The following VWA5B2 variants were observed in gnomAD, a reference collection of about 807,000 sequenced individuals.
VWA5B2 encodes the protein von Willebrand factor A domain-containing protein 5B2.
VWA5B2 carries 93 observed loss-of-function variants against 118.5 expected under a neutral mutation model. The observed-to-expected ratio is 0.79, with a 90% CI of 0.66 to 0.93. The LOEUF is 0.93. Ranked by LOEUF, VWA5B2 falls within the 40% of genes least tolerant of loss-of-function variation. VWA5B2 has a pLI of 0.00. For synonymous variants in VWA5B2, 708 were observed against 716.3 expected, an observed-to-expected ratio of 0.99 and a Z score of 0.19; for missense variants, 1,546 against 1,672.8, an observed-to-expected ratio of 0.92 and a Z score of 1.32.
At chr3:184,240,077 G>A in intron 16 of VWA5B2, 41 bp downstream of exon 16, 1 of 1,428,028 alleles carries the variant, frequency 7.0e-7, no homozygotes, top group East Asian at 2.5e-5. Context: ...AAAGGCATGG[G>A]CTAAAAACAG....
At chr3:184,234,977 G>C in intron 7 of VWA5B2, 176 bp from the exon 8 acceptor site, 1 of 1,061,880 alleles carries the variant, frequency 9.4e-7, no homozygotes, top group Non-Finnish European at 1.3e-6. Flanking sequence ...GGCTAGGTCT[G>C]ATATAAACAG....
In VWA5B2 at chr3:184,239,297, G is replaced by T; in HGVS notation, c.2203-97G>T. On this transcript the variant is annotated intron_variant, in intron 14 of 19. Coordinates refer to ENST00000691901, the MANE Select transcript of VWA5B2 (RefSeq NM_001390846.1). The surrounding 1 kb of genome is among the most constrained non-coding windows in gnomAD (Gnocchi z 5.1). ...CCTCAAGCTGGTGAGCGGCCACCCA[G>T]GGTTTCAGAAAAGGGGCATGGGCCA... is the stretch of plus-strand genomic sequence containing the variant. 7.4e-7 allele frequency: 1 copy of T among 1,342,598 alleles called. No individual in the cohort carries two copies. Among genetic ancestry groups the T allele is most frequent in the South Asian group, 1.7e-5 (1 of 58,258 alleles). The allele number at this position is 1,342,598 out of a possible 1,614,324, so 83.2% of individuals were successfully genotyped here.
chr3:184,238,422 C>T lies in VWA5B2; in HGVS notation c.1839C>T (p.Gly613=). 3 of 1,550,818 alleles carry T rather than the reference C, an allele frequency of 1.9e-6. No homozygotes were observed. The highest frequency in any genetic ancestry group is 2.6e-6 in the Non-Finnish European group (3 of 1,146,768). ...PTGTSEPLGT[G]TVSAELSSPW... ...GCACCTCAGAGCCACTGGGAACAGGCACTGTCTCAGCAGAACTGTCCAGCC... is the reference window on the plus strand; with the variant it reads ...GCACCTCAGAGCCACTGGGAACAGGTACTGTCTCAGCAGAACTGTCCAGCC... The change falls in exon 13 of 20, where the codon GGC becomes GGT. Residue 613 remains glycine, a synonymous_variant. Transcript: ENST00000691901. The surrounding 1 kb of genome is among the most constrained non-coding windows in gnomAD (Gnocchi z 5.0).
Position 184,240,037 on chromosome 3 carries a change from G to A in VWA5B2, c.2740+1G>A, listed in dbSNP as rs932807025. 1 of 1,531,292 alleles carries A rather than the reference G, an allele frequency of 6.5e-7. No homozygotes were observed. Among genetic ancestry groups the A allele is most frequent in the Non-Finnish European group, 8.8e-7 (1 of 1,137,372 alleles). The allele number at this position is 1,531,292 out of a possible 1,614,324, so 94.9% of individuals were successfully genotyped here. On this transcript the variant is annotated splice_donor_variant, in intron 16 of 19. Coordinates refer to ENST00000691901, the MANE Select transcript of VWA5B2 (RefSeq NM_001390846.1). LOFTEE classifies it high-confidence loss of function. ...GGGGCAGAGACCACAGCTGACCGGGGTGAGTTGCTCATGGGTCCAGTCAGG... is the reference window on the plus strand; with the variant it reads ...GGGGCAGAGACCACAGCTGACCGGGATGAGTTGCTCATGGGTCCAGTCAGG...
chr3:184,230,886 G>A lies in VWA5B2; in HGVS notation c.279G>A (p.Leu93=), dbSNP rs1241689603. 1 of 1,225,010 alleles carries A rather than the reference G, an allele frequency of 8.2e-7. No individual in the cohort carries two copies. Among genetic ancestry groups the A allele is most frequent in the Non-Finnish European group, 1.0e-6 (1 of 983,942 alleles). The allele number at this position is 1,225,010 out of a possible 1,614,324, so 75.9% of individuals were successfully genotyped here. A position where few individuals can be genotyped will look rare whatever the true frequency, so the allele number is the denominator to read the frequency against. ...GCTGCCGCGCTCTGGGCCCGGGGCTGGGGACCCCGACGCCCCGCCGCTGCG... is the reference window on the plus strand; with the variant it reads ...GCTGCCGCGCTCTGGGCCCGGGGCTAGGGACCCCGACGCCCCGCCGCTGCG... ...AACCRALGPG[L]GTPTPRRCAQ... The change falls in exon 3 of 20, where the codon CTG becomes CTA. Residue 93 remains leucine, a synonymous_variant. Transcript: ENST00000691901.
Position 184,238,517 on chromosome 3 carries a change from G to A in VWA5B2, c.1891+43G>A, listed in dbSNP as rs1204418193. ...TGTGTGTGGCTGTATTGGAGTGGGCGCTGGGAGGGGTCAGGGCTAGGGCCC... is the reference window on the plus strand; with the variant it reads ...TGTGTGTGGCTGTATTGGAGTGGGCACTGGGAGGGGTCAGGGCTAGGGCCC... On this transcript the variant is annotated intron_variant, in intron 13 of 19. Coordinates refer to ENST00000691901, the MANE Select transcript of VWA5B2 (RefSeq NM_001390846.1). The surrounding 1 kb of genome is among the most constrained non-coding windows in gnomAD (Gnocchi z 5.0). 4.6e-6 allele frequency: 7 copies of A among 1,534,688 alleles called. No homozygotes were observed. The highest frequency in any genetic ancestry group is 2.0e-5 in the Admixed American group (1 of 50,522).
chr3:184,236,783 T>A, intron 11 of VWA5B2, 34 bp downstream of exon 11: 6 of 1,457,132 alleles, frequency 4.1e-6, no homozygotes, highest in Non-Finnish European at 5.5e-6. Flanking sequence ...TCCCTACACC[T>A]GGAAGTTTTT....
In VWA5B2 at chr3:184,236,137, C is replaced by G. The variant is rs1717957985; in HGVS notation, c.1102-15C>G. The G allele has an allele frequency of 6.5e-7, 1 of 1,550,180 alleles. No homozygotes were observed. The highest frequency in any genetic ancestry group is 2.4e-5 in the East Asian group (1 of 40,924). Reference sequence around the variant, plus strand: ...ATGGGGCCGGCCTCACGCCGCCCTCCCTGGCCCTCCACAGGATGCCATTGT... The same window carrying G: ...ATGGGGCCGGCCTCACGCCGCCCTCGCTGGCCCTCCACAGGATGCCATTGT... On this transcript the variant is annotated splice_polypyrimidine_tract_variant and intron_variant, in intron 8 of 19. Coordinates refer to ENST00000691901, the MANE Select transcript of VWA5B2 (RefSeq NM_001390846.1).
Position 184,239,010 on chromosome 3 carries a change from G to A in VWA5B2, c.2202+137G>A. The A allele has an allele frequency of 1.0e-6, 1 of 961,946 alleles. No homozygotes were observed. The highest frequency in any genetic ancestry group is 2.0e-5 in the South Asian group (1 of 50,674). The allele number at this position is 961,946 out of a possible 1,614,324, so 59.6% of individuals were successfully genotyped here. ...GTGGGTAAATCCCCAACGATACCAT[G>A]TAACAACCAGTGATGAGCACAAGGA... On this transcript the variant is annotated intron_variant, in intron 14 of 19. Transcript: ENST00000691901. The surrounding 1 kb of genome is among the most constrained non-coding windows in gnomAD (Gnocchi z 5.1).
At chr3:184,234,031 G>C (rs751987813) in intron 5 of VWA5B2, among the ~76,000 whole-genome samples, 5 of 152,154 alleles carry the variant, frequency 3.3e-5, no homozygotes, top group African/African-American at 9.7e-5. Flanking sequence ...CACAGAAGGT[G>C]GGGGGTGAAT....
intron 8 of VWA5B2, among the ~76,000 whole-genome samples, 157 bp from the exon 9 acceptor site, chr3:184,235,995 C>T (rs1379108999): frequency 6.6e-6 from 1 of 152,266 alleles, no homozygotes; most frequent in Admixed American, 6.5e-5. Flanking sequence ...CACTTGGGGG[C>T]TCACTGGCAC....
Position 184,241,374 on chromosome 3 carries a change from T to C in VWA5B2, c.3150T>C (p.Ser1050=), listed in dbSNP as rs1257942836. ...CSPDPGQANN[S]EGSDHDYLPL... is the part of the protein sequence containing the mutation. The stretch of plus-strand genomic sequence containing the variant: ...CTGACCCGGGCCAGGCCAACAACAG[T>C]GAAGGCAGCGACCATGACTACCTGC... Residue 1050 remains serine, a synonymous_variant, in exon 19 of 20, where the codon AGT becomes AGC. Coordinates refer to ENST00000691901, the MANE Select transcript of VWA5B2 (RefSeq NM_001390846.1). The surrounding 1 kb of genome is among the most constrained non-coding windows in gnomAD (Gnocchi z 5.1). 4 of 1,568,238 alleles carry C rather than the reference T, an allele frequency of 2.6e-6. No homozygotes were observed. Among genetic ancestry groups the C allele is most frequent in the Non-Finnish European group, 3.5e-6 (4 of 1,156,396 alleles).
At position 184,239,697 on chromosome 3, in the gene VWA5B2, C is replaced by T; in HGVS notation, c.2401C>T (p.Leu801Phe). 6.8e-7 allele frequency: 1 copy of T among 1,467,974 alleles called. No homozygotes were observed. 90.9% of individuals were successfully genotyped at this position (1,467,974 alleles called of 1,614,324 possible). A position where few individuals can be genotyped will look rare whatever the true frequency, so the allele number is the denominator to read the frequency against. The change falls in exon 16 of 20, where the codon CTC (leucine) becomes TTC (phenylalanine). Residue 801 changes from leucine to phenylalanine, a missense_variant. Around this residue, in one of 3 missense-constraint regions of VWA5B2, gnomAD observed 763 missense variants for 766.6 expected, o/e 1.00. Transcript: ENST00000691901. This position sits in a 1 kb window ranked among gnomAD's most constrained non-coding sequence, Gnocchi z 5.1. Reference sequence around the variant, plus strand: ...CTGTCTTGCCTCCCCAGGAAACCTGCTCTCCCCAGCCCCTATGGACTGGGA... The same window carrying T: ...CTGTCTTGCCTCCCCAGGAAACCTGTTCTCCCCAGCCCCTATGGACTGGGA... ...GQGLDDSGNL[L>F]SPAPMDWDML...
chr3:184,237,767 C>T lies in VWA5B2; in HGVS notation c.1719+356C>T, dbSNP rs957336040. On this transcript the variant is annotated intron_variant, in intron 12 of 19. Transcript: ENST00000691901. The surrounding 1 kb of genome is among the most constrained non-coding windows in gnomAD (Gnocchi z 5.6). Reference sequence around the variant, plus strand: ...GTTCCCTATAGAAAGCACCAGCCAGCGTATTTTCTGGGACACGCAGTGATG... The same window carrying T: ...GTTCCCTATAGAAAGCACCAGCCAGTGTATTTTCTGGGACACGCAGTGATG... Among the ~76,000 whole-genome samples, 6 of 152,200 alleles carry T rather than the reference C, an allele frequency of 3.9e-5. No homozygotes were observed. The highest frequency in any genetic ancestry group is 9.7e-5 in the African/African-American group (4 of 41,444).
intron 3 of VWA5B2, among the ~76,000 whole-genome samples, chr3:184,232,175 A>G (rs1262641585): frequency 6.6e-6 from 1 of 151,668 alleles, no homozygotes; most frequent in Non-Finnish European, 1.5e-5. Flanking sequence ...GTTATGGGGG[A>G]TGAAAGTCAT....
rs1709657 is a variant in VWA5B2, at chr3:184,236,184, G to A, written c.1134G>A (p.Pro378=). ...DAIVLAVKSL[P]PQTLINLAVF... is the part of the protein sequence containing the mutation. ...TTGTTTTGGCTGTGAAGTCCCTCCC[G>A]CCCCAGACGCTTATCAACCTGGCCG... The change falls in exon 9 of 20, where the codon CCG becomes CCA. Residue 378 remains proline (P), a synonymous_variant. Transcript: ENST00000691901. The A allele has an allele frequency of 0.22, 338,576 of 1,551,440 alleles. 37,817 individuals are homozygous for A. Among genetic ancestry groups the A allele is most frequent in the Non-Finnish European group, 0.23 (262,092 of 1,146,852 alleles).
Position 184,238,485 on chromosome 3 carries a change from A to T in VWA5B2, c.1891+11A>T. 1 of 1,541,664 alleles carries T rather than the reference A, an allele frequency of 6.5e-7. No individual in the cohort carries two copies. Among genetic ancestry groups the T allele is most frequent in the Non-Finnish European group, 8.8e-7 (1 of 1,139,606 alleles). On this transcript the variant is annotated intron_variant, in intron 13 of 19. Transcript: ENST00000691901. This position sits in a 1 kb window ranked among gnomAD's most constrained non-coding sequence, Gnocchi z 5.0. ...GGGACTCGGAGCAGAGTGAGTGCCC[A>T]GGTGTATGTGTGTGGCTGTATTGGA...
rs374680163 is a variant in VWA5B2, at chr3:184,234,709, G to A, written c.899G>A (p.Arg300Gln). ...TATGAGGCCCGGGTGAGGGCCCGCC[G>A]AGATTTTCAGAGGCTACAGCGAAGG... ...AEYEARVRAR[R>Q]DFQRLQRRDS... Residue 300 changes from arginine to glutamine, a missense_variant, in exon 7 of 20, where the codon CGA (arginine) becomes CAA (glutamine). By Grantham distance (43) the Arg-to-Gln change is conservative (BLOSUM62 1). Around this residue, in one of 3 missense-constraint regions of VWA5B2, gnomAD observed 775 missense variants for 882.3 expected, o/e 0.88. Transcript: ENST00000691901. 208 of 1,551,496 alleles carry A rather than the reference G, an allele frequency of 1.3e-4. No individual in the cohort carries two copies. In the African/African-American group the frequency reaches 2.3e-3, roughly 17 times the overall value.
rs143066524 is a variant in VWA5B2 at position 184,239,867 on chromosome 3, T to C, written c.2571T>C (p.Gly857=). The C allele has an allele frequency of 1.9e-4, 295 of 1,551,438 alleles. 1 individual carries two copies. In the African/African-American group the frequency reaches 3.6e-3, roughly 19 times the overall value. Residue 857 remains glycine, a synonymous_variant, in exon 16 of 20, where the codon GGT becomes GGC. Transcript: ENST00000691901. The surrounding 1 kb of genome is among the most constrained non-coding windows in gnomAD (Gnocchi z 5.1). ...AGCAGCCCATGTGCTGGGAGGTGGG[T>C]GTTGGGCTGGAGACACTGTGGGGAC... The part of the protein sequence containing the change: ...CGEQPMCWEV[G]VGLETLWGPG...
Sources: gnomAD v4.1 joint callset for allele counts (sites outside exome capture counted in the v4.1 genomes callset) on GRCh38, gnomAD v4.1.1 for gene constraint, gnomAD v4.1.1 regional missense constraint, Gnocchi (gnomAD v3.1) non-coding constraint, MANE v1.5 for transcripts, NCBI Gene and HGNC (gene_info 2026-07-23, HGNC 2026-07-21) for gene names.